Variants in CADPS2 observed in about 807,000 individuals in gnomAD.
CADPS2 encodes calcium dependent secretion activator 2, also known as calcium-dependent secretion activator 2.
CADPS2 carries 93 observed loss-of-function variants against 172.5 expected under a neutral mutation model. The observed-to-expected ratio is 0.54, with a 90% CI of 0.46 to 0.64. CADPS2 has a LOEUF of 0.64. CADPS2 is among the 30% of genes least tolerant of loss of function. CADPS2 has a pLI of 0.00. For missense variants in CADPS2, 1,420 were observed against 1,565.9 expected (o/e 0.91, Z 1.57); for synonymous variants, 546 against 555.2 (o/e 0.98, Z 0.23).
chr7:122,373,882 G>A (rs947091091), intron 25 of CADPS2, among the ~76,000 whole-genome samples: 22 of 152,038 alleles, frequency 1.4e-4, no homozygotes, highest in Admixed American at 3.3e-4. Context: ...AAAAACAGAA[G>A]AGGGAACACT....
intron 1 of CADPS2, among the ~76,000 whole-genome samples, chr7:122,799,427 G>A (rs987695916): frequency 8.6e-5 from 13 of 151,764 alleles, no homozygotes; most frequent in African/African-American, 1.9e-4. Context: ...GTGAAACCCC[G>A]TCTCTACTAA....
intron 14 of CADPS2, among the ~76,000 whole-genome samples, chr7:122,455,389 T>C (rs1227930888): frequency 1.3e-5 from 2 of 151,658 alleles, no homozygotes; most frequent in Non-Finnish European, 2.9e-5. Flanking sequence ...CCTTTCTATT[T>C]TTTAATAATA....
intron 11 of CADPS2, among the ~76,000 whole-genome samples, chr7:122,482,603 C>T (rs139572561): frequency 3.3e-5 from 5 of 152,204 alleles, no homozygotes; most frequent in East Asian, 1.9e-4. Flanking sequence ...GTTTATTAAA[C>T]GCTGCACGTT....
intron 19 of CADPS2, chr7:122,409,571 T>C (rs541101502): frequency 6.6e-6 from 3 of 456,980 alleles, no homozygotes; most frequent in Non-Finnish European, 1.4e-5. Flanking sequence ...GTTGTACTCC[T>C]GATGATGCTA....
chr7:122,687,843 G>A (rs980108162), intron 2 of CADPS2, among the ~76,000 whole-genome samples: 1 of 152,118 alleles, frequency 6.6e-6, no homozygotes, highest in Non-Finnish European at 1.5e-5. Flanking sequence ...AAATGTCATT[G>A]GTGGTTAAAT....
chr7:122,662,103 C>A (rs73719731), intron 3 of CADPS2, among the ~76,000 whole-genome samples: 5,499 of 151,984 alleles, frequency 0.036, 322 homozygotes, highest in African/African-American at 0.13. Flanking sequence ...TGCAAAGTAA[C>A]CAATATGGAT....
intron 9 of CADPS2, among the ~76,000 whole-genome samples, chr7:122,492,153 C>G (rs11979156): frequency 2.0e-5 from 3 of 151,764 alleles, no homozygotes; most frequent in Non-Finnish European, 4.4e-5. Context: ...GCCTGGACGA[C>G]AGAGCGAGAC....
intron 14 of CADPS2, among the ~76,000 whole-genome samples, chr7:122,467,083 A>T (rs1372235643): frequency 6.6e-6 from 1 of 152,162 alleles, no homozygotes; most frequent in African/African-American, 2.4e-5. Context: ...CTCCTCCAGT[A>T]ATATTTGAAA....
intron 4 of CADPS2, among the ~76,000 whole-genome samples, chr7:122,626,649 G>A (rs866560054): frequency 2.6e-5 from 4 of 152,048 alleles, no homozygotes; most frequent in South Asian, 2.1e-4. Flanking sequence ...TGGGGCTATC[G>A]CAAATAAAAT....
At chr7:122,692,446 G>A (rs181009788) in intron 2 of CADPS2, among the ~76,000 whole-genome samples, 1 of 152,190 alleles carries the variant, frequency 6.6e-6, no homozygotes, top group Non-Finnish European at 1.5e-5. Flanking sequence ...GACTCTGCCA[G>A]CGAAGGTATG....
At chr7:122,607,908 C>T (rs536314000) in intron 6 of CADPS2, among the ~76,000 whole-genome samples, 2 of 152,098 alleles carry the variant, frequency 1.3e-5, no homozygotes, top group East Asian at 3.9e-4. Flanking sequence ...GAGTGTTTTG[C>T]CTTTGGTTCA....
chr7:122,433,280 C>T (rs2050199995), intron 17 of CADPS2, among the ~76,000 whole-genome samples: 1 of 151,918 alleles, frequency 6.6e-6, no homozygotes, highest in African/African-American at 2.4e-5. Flanking sequence ...CATGCTCTCC[C>T]TGGAATATAA....
chr7:122,339,644 T>C (rs1378696816), intron 28 of CADPS2, among the ~76,000 whole-genome samples: 6 of 152,264 alleles, frequency 3.9e-5, no homozygotes, highest in Non-Finnish European at 8.8e-5. Flanking sequence ...CTCAGCACTT[T>C]GGGAGGTGGA....
At chr7:122,432,202 G>A (rs1176791492) in intron 17 of CADPS2, among the ~76,000 whole-genome samples, 2 of 152,124 alleles carry the variant, frequency 1.3e-5, no homozygotes, top group Non-Finnish European at 2.9e-5. Context: ...ATGCAAGTAT[G>A]AATCTCATAT....
At chr7:122,846,914 A>C (rs1242599642) in intron 1 of CADPS2, among the ~76,000 whole-genome samples, 1 of 152,168 alleles carries the variant, frequency 6.6e-6, no homozygotes, top group East Asian at 1.9e-4. Context: ...TGCTTATTAA[A>C]ATGCAGATTC....
In CADPS2 at chr7:122,366,610, TACACACACAC is replaced by T. The variant is rs200926726; in HGVS notation, c.3388-5607_3388-5598del. 4.4e-3 allele frequency among the ~76,000 whole-genome samples: 553 copies of T among 126,220 alleles called. 2 individuals are homozygous for T. Among genetic ancestry groups the T allele is most frequent in the African/African-American group, 0.015 (525 of 34,358 alleles). 82.8% of individuals were successfully genotyped at this position (126,220 alleles called of 152,430 possible). ...ACAGTGCAAGACTCCATCTCAAAAATACACACACACACACACACACACACACACACACACA... is the reference window on the plus strand; with the variant it reads ...ACAGTGCAAGACTCCATCTCAAAAATACACACACACACACACACACACACA... On this transcript the variant is annotated intron_variant, in intron 25 of 29. Transcript: ENST00000449022.
intron 1 of CADPS2, among the ~76,000 whole-genome samples, chr7:122,759,980 T>C (rs1589033809): frequency 6.7e-6 from 1 of 149,214 alleles, no homozygotes; most frequent in Non-Finnish European, 1.5e-5. Context: ...TATATAGGTG[T>C]ATTTTATATA....
chr7:122,646,313 T>A (rs1348080965), intron 3 of CADPS2, among the ~76,000 whole-genome samples: 1 of 152,132 alleles, frequency 6.6e-6, no homozygotes, highest in East Asian at 1.9e-4. Context: ...TTATTTGATG[T>A]TTAAGTTGTT....
intron 1 of CADPS2, among the ~76,000 whole-genome samples, chr7:122,804,185 C>T (rs1798301989): frequency 6.6e-6 from 1 of 152,094 alleles, no homozygotes; most frequent in African/African-American, 2.4e-5. Flanking sequence ...TTTCCTTTCC[C>T]CGCATCAGTG....
Sources: allele counts gnomAD v4.1 joint callset (sites outside exome capture counted in the v4.1 genomes callset), GRCh38; gene constraint gnomAD v4.1.1; transcripts MANE v1.5; gene names NCBI Gene and HGNC (gene_info 2026-07-23, HGNC 2026-07-21).